AMZ2: variants seen among roughly 807,000 people sequenced by gnomAD.
AMZ2 encodes the protein archaemetzincin-2.
In AMZ2, 26 loss-of-function variants were observed where a neutral mutation model predicts 36.7. The ratio of observed to expected loss-of-function variants is 0.71; its 90% CI spans 0.52 to 0.98. The LOEUF (loss-of-function observed/expected upper bound fraction) is 0.98. Among genes scored for constraint, AMZ2 ranks in the 50% least tolerant of loss-of-function variants. The probability of loss-of-function intolerance (pLI) is 0.00; values close to 1 mark genes in which losing one functional copy is unlikely to be tolerated. For missense variants in AMZ2, 394 were observed against 430.5 expected (o/e 0.92, Z 0.75); for synonymous variants, 144 against 149.1 (o/e 0.97, Z 0.25).
At chr17:68,234,464 A>G (rs868947834) in intron 1 of AMZ2, among the ~76,000 whole-genome samples, 1 of 152,044 alleles carries the variant, frequency 6.6e-6, no homozygotes, top group South Asian at 2.1e-4. Context: ...TTTTAATAAA[A>G]ACATGTATCT....
chr17:68,233,489 CAA>C (rs1353326057), intron 1 of AMZ2, among the ~76,000 whole-genome samples: 32 of 128,462 alleles, frequency 2.5e-4, no homozygotes, highest in Non-Finnish European at 4.8e-4. Context: ...AACCTGCCGA[CAA>C]GAGCGAAACT....
chr17:68,209,175 T>C (rs1480407485), intron 1 of AMZ2, among the ~76,000 whole-genome samples: 7 of 151,224 alleles, frequency 4.6e-5, no homozygotes, highest in Non-Finnish European at 7.4e-5. Flanking sequence ...ACATGTAAAT[T>C]TTTGCCAACT....
At chr17:68,245,657 G>A (rs138019531), upstream of AMZ2, among the ~76,000 whole-genome samples, 27 of 152,210 alleles carry the variant, frequency 1.8e-4, no homozygotes, top group African/African-American at 5.5e-4. Context: ...CAGTTTAAAC[G>A]CAAAATGAAG....
rs549868076 is a variant in AMZ2 at position 68,248,688 on chromosome 17, C to G, written c.-18C>G. On this transcript the variant is annotated 5_prime_UTR_variant, in exon 1 of 7. Transcript: ENST00000359904. ...TGTAAGTTAAAAGCTTCCATGGGAG[C>G]CTTCCTTCCTAATCAAGGTAGGTAG... 9.1e-6 allele frequency: 9 copies of G among 986,358 alleles called. No homozygotes were observed. In the Admixed American group the frequency reaches 2.5e-4, roughly 27 times the overall value. 61.1% of individuals were successfully genotyped at this position (986,358 alleles called of 1,614,324 possible).
chr17:68,223,589 G>C (rs2073424042), intron 1 of AMZ2, among the ~76,000 whole-genome samples: 1 of 152,046 alleles, frequency 6.6e-6, no homozygotes, highest in South Asian at 2.1e-4. Context: ...GCCCAGGCTG[G>C]AGTGCAGTGG....
rs782363962 is a variant in AMZ2, at chr17:68,250,801, A to G, written c.291A>G (p.Leu97=). ...RSIYIQSIGS[L]GNTRIISEEY... is the part of the protein sequence containing the mutation. Reference sequence around the variant, plus strand: ...TGTTCTTCCATATTGTAGGCTCTCTAGGAAACACCAGAATTATCAGTGAAG... The same window carrying G: ...TGTTCTTCCATATTGTAGGCTCTCTGGGAAACACCAGAATTATCAGTGAAG... The change falls in exon 3 of 7, where the codon CTA becomes CTG. Residue 97 remains leucine (L), a synonymous_variant. Coordinates refer to ENST00000359904, the MANE Select transcript of AMZ2 (RefSeq NM_016627.5). 8.2e-6 allele frequency: 13 copies of G among 1,577,302 alleles called. No homozygotes were observed. Among genetic ancestry groups the G allele is most frequent in the African/African-American group, 2.8e-5 (2 of 72,618 alleles).
chr17:68,222,199 G>C (rs535965182), intron 1 of AMZ2, among the ~76,000 whole-genome samples: 4 of 152,368 alleles, frequency 2.6e-5, no homozygotes, highest in African/African-American at 9.6e-5. Context: ...GGACGTCTAG[G>C]GGGAGAAACA....
At chr17:68,234,591 A>G (rs2073742996) in intron 1 of AMZ2, among the ~76,000 whole-genome samples, 1 of 151,932 alleles carries the variant, frequency 6.6e-6, no homozygotes, top group Non-Finnish European at 1.5e-5. Context: ...TGAGACATCT[A>G]TACTACAATT....
chr17:68,221,031 G>A (rs1236968927), intron 1 of AMZ2, among the ~76,000 whole-genome samples: 35 of 152,030 alleles, frequency 2.3e-4, no homozygotes, highest in African/African-American at 8.2e-4. Context: ...TGATCCACCC[G>A]CCTCGGCCCC....
rs71142159 is a variant in AMZ2, at chr17:68,253,759, A to ATTTTT, written c.587-636_587-632dup. On this transcript the variant is annotated intron_variant, in intron 4 of 6. Coordinates refer to ENST00000359904, the MANE Select transcript of AMZ2 (RefSeq NM_016627.5). Reference sequence around the variant, plus strand: ...ATCATGACTTCCTATTGTTCATGTGATTTTTTTTTTTTTGAGACTGAGTAT... The same window carrying ATTTTT: ...ATCATGACTTCCTATTGTTCATGTGATTTTTTTTTTTTTTTTTTGAGACTGAGTAT... Among the ~76,000 whole-genome samples the ATTTTT allele has an allele frequency of 6.2e-3, 903 of 146,614 alleles. 10 individuals carry two copies. Among genetic ancestry groups the ATTTTT allele is most frequent in the African/African-American group, 0.021 (824 of 39,536 alleles).
In AMZ2 at chr17:68,219,267, A is replaced by T. The variant is rs577977317; in HGVS notation, c.-67+13029A>T. Among the ~76,000 whole-genome samples, 23 of 152,228 alleles carry T rather than the reference A, an allele frequency of 1.5e-4. No individual in the cohort carries two copies. The South Asian group carries it at 2.3e-3, about 15-fold the overall frequency. Reference sequence around the variant, plus strand: ...GGTGTGAGCCACCGTGCCCAGCTGCATCAGCCTTTTTCTAACCGGCCTTCC... The same window carrying T: ...GGTGTGAGCCACCGTGCCCAGCTGCTTCAGCCTTTTTCTAACCGGCCTTCC... On this transcript the variant is annotated intron_variant, in intron 1 of 7. Coordinates refer to the AMZ2 transcript ENST00000674770.
At chr17:68,256,036 C>T (rs1434183244) in intron 6 of AMZ2, among the ~76,000 whole-genome samples, 160 bp downstream of exon 6, 1 of 152,200 alleles carries the variant, frequency 6.6e-6, no homozygotes, top group Non-Finnish European at 1.5e-5. Context: ...AAATGCTCTT[C>T]TTAAAAACTT....
upstream of AMZ2, among the ~76,000 whole-genome samples, chr17:68,246,195 C>CAAAAAAAAAAAAAAAAAAAAA (rs57477453): frequency 1.9e-4 from 16 of 83,824 alleles, no homozygotes; most frequent in Admixed American, 4.8e-4. Flanking sequence ...ACTAAAAATA[C>CAAAAAAAAAAAAAAAAAAAAA]AAAAAAAAAA....
At chr17:68,216,625 C>A (rs1472637976) in intron 1 of AMZ2, among the ~76,000 whole-genome samples, 1 of 152,172 alleles carries the variant, frequency 6.6e-6, no homozygotes, top group African/African-American at 2.4e-5. Context: ...AGTTTTCAAA[C>A]CATCTTCTTG....
At chr17:68,251,779 T>C (rs547887298) in intron 4 of AMZ2, among the ~76,000 whole-genome samples, 1 of 152,362 alleles carries the variant, frequency 6.6e-6, no homozygotes, top group African/African-American at 2.4e-5. Context: ...GTTTGAGCTA[T>C]CAATGGATGT....
At chr17:68,217,374 GTCAT>G (rs1289867196) in intron 1 of AMZ2, among the ~76,000 whole-genome samples, 5 of 152,082 alleles carry the variant, frequency 3.3e-5, no homozygotes, top group Non-Finnish European at 5.9e-5. Flanking sequence ...AGCTATAGTC[GTCAT>G]TCAAATTGCC....
chr17:68,207,040 G>C (rs2072856056), intron 1 of AMZ2: 1 of 152,240 alleles, frequency 6.6e-6, no homozygotes. Context: ...TGATCGCTTT[G>C]CCTTGCTTGG....
chr17:68,236,913 A>C (rs2073803434), intron 1 of AMZ2, among the ~76,000 whole-genome samples: 2 of 152,080 alleles, frequency 1.3e-5, no homozygotes, highest in Non-Finnish European at 2.9e-5. Context: ...ATACACCCAT[A>C]TTTTTATATA....
chr17:68,209,191 T>G (rs1223791665), intron 1 of AMZ2, among the ~76,000 whole-genome samples: 1 of 141,982 alleles, frequency 7.0e-6, no homozygotes, highest in Non-Finnish European at 1.5e-5. Context: ...CAACTTAATT[T>G]TAGTACTTTT....
Sources: allele counts gnomAD v4.1 joint callset (sites outside exome capture counted in the v4.1 genomes callset), GRCh38; gene constraint gnomAD v4.1.1; transcripts MANE v1.5; gene names NCBI Gene and HGNC (gene_info 2026-07-23, HGNC 2026-07-21).